Variants in PCDH15 observed in about 807,000 individuals in gnomAD.
PCDH15 encodes the protein protocadherin related 15, also known as protocadherin-15.
Under a neutral mutation model 178.5 loss-of-function variants are expected in PCDH15, and 129 were observed. The ratio of observed to expected loss-of-function variants is 0.72; its 90% CI spans 0.63 to 0.84. The LOEUF is 0.84. PCDH15 is among the 40% of genes least tolerant of loss of function. The pLI is 0.00. For synonymous variants in PCDH15, 800 were observed against 732.0 expected (o/e 1.09, Z -1.50); for missense variants, 2,230 against 2,099.9 (o/e 1.06, Z -1.21).
At chr10:55,070,480 T>C (rs1841705083) in intron 2 of PCDH15, among the ~76,000 whole-genome samples, 1 of 152,194 alleles carries the variant, frequency 6.6e-6, no homozygotes. Flanking sequence ...GGGATCCAGT[T>C]TCAGCTTTCT....
intron 2 of PCDH15, among the ~76,000 whole-genome samples, chr10:55,337,586 CAGGCATT>C (rs1214810704): frequency 6.6e-6 from 1 of 152,140 alleles, no homozygotes; most frequent in Non-Finnish European, 1.5e-5. Flanking sequence ...AATTTTGTAT[CAGGCATT>C]CTGATTCGGC....
intron 2 of PCDH15, among the ~76,000 whole-genome samples, chr10:55,458,731 G>C (rs1476948129): frequency 6.6e-6 from 1 of 152,042 alleles, no homozygotes; most frequent in African/African-American, 2.4e-5. Flanking sequence ...ATAGGTAACA[G>C]AGAAAACATA....
Position 54,378,960 on chromosome 10 carries a change from G to C in PCDH15, c.158-18C>G. On this transcript the variant is annotated intron_variant, in intron 3 of 37. Transcript: ENST00000644397. Reference sequence around the variant, plus strand: ...AATTGTACCTGCAAACCAAAGAAAGGTACTTGAAAACATATTCTACTCATA... The same window carrying C: ...AATTGTACCTGCAAACCAAAGAAAGCTACTTGAAAACATATTCTACTCATA... The C allele has an allele frequency of 6.2e-7, 1 of 1,613,158 alleles. No homozygotes were observed. The highest frequency in any genetic ancestry group is 1.1e-5 in the South Asian group (1 of 91,076).
chr10:54,563,708 G>A (rs765378927), intron 2 of PCDH15, among the ~76,000 whole-genome samples: 1 of 152,082 alleles, frequency 6.6e-6, no homozygotes, highest in African/African-American at 2.4e-5. Context: ...CTGTTAAATT[G>A]TGGCTCCAGC....
chr10:54,195,690 A>T lies in PCDH15; in HGVS notation c.1298T>A (p.Ile433Lys). The change falls in exon 11 of 38, where the codon ATA becomes AAA. Residue 433 changes from isoleucine to lysine, a missense_variant. Ile to Lys is a moderately radical substitution (Grantham distance 102). Transcript: ENST00000644397. Reference sequence around the variant, plus strand: ...AATATGTATTTAACTTACATCTTCTATGTCCTTGTCCAGAGCTACTATTCT... The same window carrying T: ...AATATGTATTTAACTTACATCTTCTTTGTCCTTGTCCAGAGCTACTATTCT... ...PLRIVALDKD[I>K]EDTKDPELHL... The T allele has an allele frequency of 6.2e-7, 1 of 1,612,906 alleles. No individual in the cohort carries two copies. The highest frequency in any genetic ancestry group is 1.1e-5 in the South Asian group (1 of 91,042).
chr10:54,914,322 C>T (rs1195285908), intron 2 of PCDH15, among the ~76,000 whole-genome samples: 2 of 152,118 alleles, frequency 1.3e-5, no homozygotes, highest in Non-Finnish European at 2.9e-5. Flanking sequence ...TGTTTGCTCT[C>T]TCTTTTTCCT....
chr10:54,913,236 G>A (rs2220387), intron 2 of PCDH15, among the ~76,000 whole-genome samples: 1 of 152,116 alleles, frequency 6.6e-6, no homozygotes, highest in African/African-American at 2.4e-5. Context: ...TCCCATCACA[G>A]GCCCTGAGGT....
intron 3 of PCDH15, among the ~76,000 whole-genome samples, chr10:54,853,285 GTGTGTATATATATA>G (rs536677762): frequency 0.11 from 9,018 of 85,268 alleles, 393 homozygotes; most frequent in South Asian, 0.18. Context: ...GTGTATGTAT[GTGTGTATATATATA>G]TATATATATA....
At chr10:53,808,842 C>G (rs747299338) in intron 37 of PCDH15, 4 of 1,610,156 alleles carry the variant, frequency 2.5e-6, no homozygotes, top group Non-Finnish European at 2.5e-6. Flanking sequence ...ATTCTGATTC[C>G]TCCTCACTTT....
At chr10:55,025,803 G>T (rs1363461458) in intron 2 of PCDH15, among the ~76,000 whole-genome samples, 1 of 151,872 alleles carries the variant, frequency 6.6e-6, no homozygotes. Flanking sequence ...TTGATATTTA[G>T]TATATATTAA....
At chr10:54,766,947 A>T (rs1192755242) in intron 1 of PCDH15, among the ~76,000 whole-genome samples, 1 of 151,876 alleles carries the variant, frequency 6.6e-6, no homozygotes, top group Admixed American at 6.6e-5. Flanking sequence ...CAAAAAAAAA[A>T]ATCTATCCAC....
intron 2 of PCDH15, among the ~76,000 whole-genome samples, chr10:55,350,268 TAC>T (rs766450240): frequency 0.067 from 3,684 of 54,802 alleles, 74 homozygotes; most frequent in Admixed American, 0.076. Flanking sequence ...TATATATATA[TAC>T]ACACACACAC....
chr10:55,224,484 GGCGACCCT>G (rs2132189007), intron 1 of PCDH15, among the ~76,000 whole-genome samples: 2 of 152,124 alleles, frequency 1.3e-5, no homozygotes, highest in South Asian at 4.2e-4. Flanking sequence ...AAGAAATCCA[GGCGACCCT>G]GCTCCTTACA....
chr10:54,458,158 GA>G (rs1406033564), intron 3 of PCDH15, among the ~76,000 whole-genome samples: 1 of 151,938 alleles, frequency 6.6e-6, no homozygotes, highest in Admixed American at 6.6e-5. Context: ...TTTACTTTTA[GA>G]CAACTAACTT....
chr10:55,025,920 CTTTA>C (rs1158985127), intron 2 of PCDH15, among the ~76,000 whole-genome samples: 1 of 151,956 alleles, frequency 6.6e-6, no homozygotes, highest in Non-Finnish European at 1.5e-5. Context: ...TTGATTTTTA[CTTTA>C]TTTATTTATA....
intron 3 of PCDH15, among the ~76,000 whole-genome samples, chr10:54,478,461 A>G (rs2078443906): frequency 6.6e-6 from 1 of 152,150 alleles, no homozygotes; most frequent in Admixed American, 6.6e-5. Flanking sequence ...AAGATAAAAA[A>G]GTTACTATGT....
chr10:54,390,853 A>G (rs1950467680), intron 3 of PCDH15, among the ~76,000 whole-genome samples: 1 of 152,158 alleles, frequency 6.6e-6, no homozygotes. Flanking sequence ...GAGATATTCA[A>G]TGTTTTCACC....
intron 2 of PCDH15, among the ~76,000 whole-genome samples, chr10:54,933,864 G>A (rs552542144): frequency 9.9e-5 from 15 of 152,188 alleles, no homozygotes; most frequent in Admixed American, 6.5e-4. Flanking sequence ...ATCCTTATCC[G>A]TAGACAATTG....
At chr10:54,505,653 G>A (rs1264644124) in intron 3 of PCDH15, among the ~76,000 whole-genome samples, 2 of 152,000 alleles carry the variant, frequency 1.3e-5, no homozygotes, top group Admixed American at 6.6e-5. Flanking sequence ...TCGGGGGGTC[G>A]GGGGCTAGGG....
Sources: allele counts gnomAD v4.1 joint callset (sites outside exome capture counted in the v4.1 genomes callset), GRCh38; gene constraint gnomAD v4.1.1; transcripts MANE v1.5; gene names NCBI Gene and HGNC (gene_info 2026-07-23, HGNC 2026-07-21).